Variants in VPS13D observed in about 807,000 individuals in gnomAD.
VPS13D encodes the protein vacuolar protein sorting 13 homolog D.
VPS13D carries 187 observed loss-of-function variants against 461.9 expected under a neutral mutation model. The ratio of observed to expected loss-of-function variants is 0.40; its 90% CI spans 0.36 to 0.46. VPS13D has a LOEUF of 0.46. VPS13D is among the 20% of genes least tolerant of loss of function. The pLI is 0.60. For missense variants in VPS13D, 4,711 were observed against 5,364.9 expected (o/e 0.88, Z 3.81); for synonymous variants, 1,951 against 1,986.3 (o/e 0.98, Z 0.47).
chr1:12,273,012 A>T lies in VPS13D; in HGVS notation c.2113A>T (p.Lys705Ter). ...TGTTTTATTTGTACAGGAGGAGAGT[A>T]AACGATGGACCGTGCGGCTGGATAT... ...LLVGDFIEES[K>*]RWTVRLDISA... Residue 705 changes from lysine (K) to a stop codon, truncating the protein, a stop_gained, in exon 18 of 70, where the codon AAA becomes TAA. Transcript: ENST00000620676. LOFTEE classifies it high-confidence loss of function. 6.2e-7 allele frequency: 1 copy of T among 1,614,028 alleles called. No homozygotes were observed. Among genetic ancestry groups the T allele is most frequent in the Non-Finnish European group, 8.5e-7 (1 of 1,179,960 alleles).
At chr1:12,311,650 G>T (rs780991942) in intron 28 of VPS13D, 25 bp downstream of exon 28, 1 of 1,612,678 alleles carries the variant, frequency 6.2e-7, no homozygotes, top group South Asian at 1.1e-5. Context: ...ATGTTCTTCT[G>T]TCACTCTCAT....
chr1:12,368,461 C>T lies in VPS13D; in HGVS notation c.10449-7C>T, dbSNP rs567596039. On this transcript the variant is annotated splice_polypyrimidine_tract_variant and splice_region_variant and intron_variant, in intron 52 of 69. Coordinates refer to ENST00000620676, the MANE Select transcript of VPS13D (RefSeq NM_015378.4). ...TATGTAGCCTCTTTTGTTTCCTTGT[C>T]CTGCAGGGATACCTTGGGAAAATGC... 201 of 1,608,002 alleles carry T rather than the reference C, an allele frequency of 1.3e-4. 2 individuals carry two copies. In the South Asian group the frequency reaches 2.1e-3, roughly 17 times the overall value.
chr1:12,380,745 A>G (rs1644262366), intron 57 of VPS13D, among the ~76,000 whole-genome samples: 1 of 152,170 alleles, frequency 6.6e-6, no homozygotes, highest in South Asian at 2.1e-4. Context: ...GAGTGTACTT[A>G]GATTGTACTC....
In VPS13D at chr1:12,293,827, A is replaced by T. The variant is rs1420462306; in HGVS notation, c.6033+123A>T. The T allele has an allele frequency of 6.1e-6, 6 of 990,870 alleles. No homozygotes were observed. The Admixed American group carries it at 1.8e-4, about 30-fold the overall frequency. The allele number at this position is 990,870 out of a possible 1,614,324, so 61.4% of individuals were successfully genotyped here. ...ATCCTTGCTAATATGTTCTCCGTGT[A>T]GATTAGCTACAGACATCTTTGTGTA... On this transcript the variant is annotated intron_variant, in intron 24 of 69. Coordinates refer to ENST00000620676, the MANE Select transcript of VPS13D (RefSeq NM_015378.4).
At chr1:12,506,793 TC>T (rs1011477116) in intron 68 of VPS13D, 59 bp from the exon 69 acceptor site, 10 of 1,578,992 alleles carry the variant, frequency 6.3e-6, no homozygotes, top group Non-Finnish European at 7.8e-6. Context: ...GCAGTGGGCC[TC>T]CCCCTGATGC....
chr1:12,479,214 A>G (rs1482004481), intron 67 of VPS13D, among the ~76,000 whole-genome samples: 1 of 152,252 alleles, frequency 6.6e-6, no homozygotes, highest in Non-Finnish European at 1.5e-5. Context: ...TAGCATAAGT[A>G]TAGTCAGAAA....
chr1:12,441,646 A>T (rs1645132531), intron 65 of VPS13D, among the ~76,000 whole-genome samples: 1 of 152,314 alleles, frequency 6.6e-6, no homozygotes, highest in South Asian at 2.1e-4. Flanking sequence ...GTAGTAGCTG[A>T]TGTTGGCACG....
At chr1:12,393,330 C>T (rs774838451) in intron 60 of VPS13D, among the ~76,000 whole-genome samples, 8 of 152,260 alleles carry the variant, frequency 5.3e-5, no homozygotes, top group Non-Finnish European at 1.0e-4. Context: ...TGATATACCC[C>T]TGCGGTTAGG....
In VPS13D at chr1:12,273,085, C is replaced by G; in HGVS notation, c.2186C>G (p.Pro729Arg). The G allele has an allele frequency of 6.2e-7, 1 of 1,614,096 alleles. No homozygotes were observed. The highest frequency in any genetic ancestry group is 8.5e-7 in the Non-Finnish European group (1 of 1,179,992). The part of the protein sequence containing the change: ...IFPDDFKFKN[P>R]VLVVVDLGRM... ...CCTGATGATTTCAAATTCAAGAATC[C>G]TGTGTTAGTTGTCGTGGATCTAGGA... is the stretch of plus-strand genomic sequence containing the variant. The change falls in exon 18 of 70, where the codon CCT (proline) becomes CGT (arginine). Residue 729 changes from proline to arginine, a missense_variant. Around this residue, in one of 3 missense-constraint regions of VPS13D, gnomAD observed 4,411 missense variants for 4,937.8 expected, o/e 0.89. Transcript: ENST00000620676.
chr1:12,250,110 C>A (rs1047890185), intron 6 of VPS13D, among the ~76,000 whole-genome samples: 1 of 152,142 alleles, frequency 6.6e-6, no homozygotes, highest in African/African-American at 2.4e-5. Flanking sequence ...TTATAATAAA[C>A]GGTGTTATGA....
chr1:12,256,022 A>G (rs17037915), intron 7 of VPS13D, among the ~76,000 whole-genome samples: 4,669 of 152,178 alleles, frequency 0.031, 133 homozygotes, highest in African/African-American at 0.069. Context: ...ACATACCAAC[A>G]TGTAACTTGA....
At chr1:12,306,830 A>G (rs1043902718) in intron 26 of VPS13D, among the ~76,000 whole-genome samples, 2 of 152,154 alleles carry the variant, frequency 1.3e-5, no homozygotes, top group Non-Finnish European at 1.5e-5. Context: ...TCTCATAAGG[A>G]GCACACAATC....
At chr1:12,391,539 T>C (rs1009857649) in intron 60 of VPS13D, among the ~76,000 whole-genome samples, 2 of 152,276 alleles carry the variant, frequency 1.3e-5, no homozygotes, top group Middle Eastern at 3.4e-3. Context: ...TACGACCCAC[T>C]TTATGGCTAG....
In VPS13D at chr1:12,342,996, C is replaced by T. The variant is rs758168914; in HGVS notation, c.8830C>T (p.Leu2944Phe). ...THNVSEWREV[L>F]TGEEIPFEFE... ...CAATGTTAGTGAATGGCGAGAAGTCCTTACAGGTGAAGAGATTCCCTTTGA... is the reference window on the plus strand; with the variant it reads ...CAATGTTAGTGAATGGCGAGAAGTCTTTACAGGTGAAGAGATTCCCTTTGA... Residue 2944 changes from leucine (L) to phenylalanine (F), a missense_variant, in exon 42 of 70, where the codon CTT becomes TTT. Physicochemically the swap from Leu to Phe is conservative, Grantham distance 22 (BLOSUM62 0). Coordinates refer to ENST00000620676, the MANE Select transcript of VPS13D (RefSeq NM_015378.4). 3 of 1,613,672 alleles carry T rather than the reference C, an allele frequency of 1.9e-6. No individual in the cohort carries two copies. The highest frequency in any genetic ancestry group is 2.5e-6 in the Non-Finnish European group (3 of 1,179,802).
intron 67 of VPS13D, among the ~76,000 whole-genome samples, chr1:12,482,179 G>A (rs1645727620): frequency 6.6e-6 from 1 of 152,194 alleles, no homozygotes; most frequent in African/African-American, 2.4e-5. Context: ...CACCAGCTAG[G>A]ATAGTACAGG....
rs564149776 is a variant in VPS13D at position 12,505,154 on chromosome 1, G to A, written c.12795-1699G>A. 3.3e-5 allele frequency among the ~76,000 whole-genome samples: 5 copies of A among 152,158 alleles called. No individual in the cohort carries two copies. The highest frequency in any genetic ancestry group is 7.2e-5 in the African/African-American group (3 of 41,456). ...ATGCTCAGGGGTGTAGGCTGCTTCCGGGTCTCATCTCAGATCCCCGCCAGT... is the reference window on the plus strand; with the variant it reads ...ATGCTCAGGGGTGTAGGCTGCTTCCAGGTCTCATCTCAGATCCCCGCCAGT... On this transcript the variant is annotated intron_variant, in intron 68 of 69. Transcript: ENST00000620676. The surrounding 1 kb of genome is among the most constrained non-coding windows in gnomAD (Gnocchi z 4.2).
intron 51 of VPS13D, 46 bp downstream of exon 51, chr1:12,362,896 C>T (rs771987098): frequency 9.3e-6 from 15 of 1,611,634 alleles, no homozygotes; most frequent in South Asian, 1.1e-5. Flanking sequence ...TTTAATAGCA[C>T]GAGTTTTAAT....
intron 27 of VPS13D, among the ~76,000 whole-genome samples, chr1:12,309,495 C>A (rs1021735329): frequency 6.6e-6 from 1 of 150,978 alleles, no homozygotes; most frequent in African/African-American, 2.4e-5. Flanking sequence ...CATGGTGGCT[C>A]ATGCCTGTAA....
At chr1:12,454,003 A>G (rs1645295083) in intron 65 of VPS13D, 1 of 152,214 alleles carries the variant, frequency 6.6e-6, no homozygotes, top group South Asian at 2.1e-4. Context: ...CCATAATTCT[A>G]AACCTTTGAC....
Sources: allele counts gnomAD v4.1 joint callset (sites outside exome capture counted in the v4.1 genomes callset), GRCh38; gene constraint gnomAD v4.1.1; regional missense constraint gnomAD v4.1.1; non-coding constraint Gnocchi (gnomAD v3.1); transcripts MANE v1.5; gene names NCBI Gene and HGNC (gene_info 2026-07-23, HGNC 2026-07-21).